Variants in CSMD1 observed in about 807,000 individuals in gnomAD.
CSMD1 encodes CUB and sushi domain-containing protein 1.
Under a neutral mutation model 417.5 loss-of-function variants are expected in CSMD1, and 213 were observed. The ratio of observed to expected loss-of-function variants is 0.51; its 90% confidence interval spans 0.46 to 0.57. CSMD1 has a LOEUF of 0.57. CSMD1 is among the 20% of genes least tolerant of loss of function. The pLI is 0.00. For missense variants in CSMD1, 6,923 were observed against 4,529.7 expected, an observed-to-expected ratio of 1.53 and a Z score of -15.17; for synonymous variants, 2,862 against 1,736.8, an observed-to-expected ratio of 1.65 and a Z score of -16.11.
At chr8:3,965,347 G>A (rs1019934530) in intron 5 of CSMD1, among the ~76,000 whole-genome samples, 1 of 152,106 alleles carries the variant, frequency 6.6e-6, no homozygotes, top group African/African-American at 2.4e-5. Flanking sequence ...GCTTAAATAA[G>A]ACAATGTTTT....
intron 12 of CSMD1, among the ~76,000 whole-genome samples, chr8:3,464,143 C>G (rs1816670508): frequency 6.6e-6 from 1 of 152,100 alleles, no homozygotes; most frequent in Non-Finnish European, 1.5e-5. Flanking sequence ...ATAGCTACGG[C>G]AAATTACATG....
At chr8:4,034,885 A>C (rs1381960390) in intron 3 of CSMD1, among the ~76,000 whole-genome samples, 1 of 152,206 alleles carries the variant, frequency 6.6e-6, no homozygotes, top group Non-Finnish European at 1.5e-5. Context: ...TCTATCAAAT[A>C]AATCTGCTAA....
intron 1 of CSMD1, among the ~76,000 whole-genome samples, chr8:4,903,361 C>T (rs1356034149): frequency 1.3e-5 from 2 of 152,122 alleles, no homozygotes; most frequent in Admixed American, 1.3e-4. Flanking sequence ...AAATATACCC[C>T]TGTGGTTTTA....
intron 1 of CSMD1, among the ~76,000 whole-genome samples, chr8:4,909,605 G>A (rs562817269): frequency 5.9e-5 from 9 of 152,164 alleles, no homozygotes; most frequent in South Asian, 2.1e-4. Flanking sequence ...AATTTTCACC[G>A]TGAGCACTTC....
intron 5 of CSMD1, among the ~76,000 whole-genome samples, chr8:3,762,617 G>A (rs1021431176): frequency 1.3e-5 from 2 of 152,356 alleles, no homozygotes; most frequent in African/African-American, 2.4e-5. Context: ...TTGGCCCTAA[G>A]CCGCTCTTGT....
chr8:3,711,922 G>C (rs1044203697), intron 6 of CSMD1, among the ~76,000 whole-genome samples: 1 of 152,124 alleles, frequency 6.6e-6, no homozygotes, highest in Non-Finnish European at 1.5e-5. Context: ...TGTTTACTCA[G>C]AATCTAAACA....
intron 1 of CSMD1, among the ~76,000 whole-genome samples, chr8:4,845,356 C>G (rs1801081406): frequency 6.6e-6 from 1 of 152,134 alleles, no homozygotes; most frequent in Non-Finnish European, 1.5e-5. Flanking sequence ...GATACATATC[C>G]ACACCAACAC....
chr8:3,764,203 A>C (rs1798150397), intron 5 of CSMD1, among the ~76,000 whole-genome samples: 1 of 152,130 alleles, frequency 6.6e-6, no homozygotes. Flanking sequence ...GCATTAGGTC[A>C]CTAAGTCACA....
chr8:3,992,524 C>A (rs1439356068), intron 5 of CSMD1, among the ~76,000 whole-genome samples: 1 of 152,136 alleles, frequency 6.6e-6, no homozygotes, highest in Non-Finnish European at 1.5e-5. Context: ...GTGGCTCATG[C>A]CTGTAATTCC....
At chr8:3,737,244 C>G (rs994336841) in intron 6 of CSMD1, among the ~76,000 whole-genome samples, 2 of 152,040 alleles carry the variant, frequency 1.3e-5, no homozygotes, top group Admixed American at 1.3e-4. Context: ...TAGAGATAAG[C>G]CGATTGGGAG....
intron 2 of CSMD1, among the ~76,000 whole-genome samples, chr8:4,512,782 A>G (rs902722923): frequency 2.4e-5 from 3 of 126,810 alleles, no homozygotes; most frequent in African/African-American, 7.5e-5. Context: ...AATTAAAAAA[A>G]TAACTAAACA....
chr8:4,925,852 C>G (rs1292933260), intron 1 of CSMD1, among the ~76,000 whole-genome samples: 1 of 152,084 alleles, frequency 6.6e-6, no homozygotes, highest in East Asian at 1.9e-4. Context: ...TGGCCTCTAT[C>G]TGGCATTTTG....
chr8:4,200,110 A>G (rs978698305), intron 3 of CSMD1, among the ~76,000 whole-genome samples: 12 of 152,220 alleles, frequency 7.9e-5, no homozygotes, highest in Admixed American at 2.0e-4. Flanking sequence ...ATTTGAGATT[A>G]TAACAACTGA....
chr8:4,482,509 G>C (rs1405819114), intron 2 of CSMD1, among the ~76,000 whole-genome samples: 3 of 152,150 alleles, frequency 2.0e-5, no homozygotes, highest in Non-Finnish European at 4.4e-5. Context: ...TGGGCATTTA[G>C]GTTGACTCCA....
chr8:3,558,774 G>A (rs1033996378), intron 10 of CSMD1, among the ~76,000 whole-genome samples: 39 of 149,990 alleles, frequency 2.6e-4, no homozygotes, highest in South Asian at 1.1e-3. Flanking sequence ...ATAGTACCCC[G>A]CGTCCACTCC....
intron 4 of CSMD1, among the ~76,000 whole-genome samples, chr8:4,020,519 T>C (rs115711104): frequency 6.6e-5 from 10 of 152,192 alleles, no homozygotes; most frequent in Admixed American, 2.6e-4. Context: ...TACTGCTTTC[T>C]GGATGGGTGA....
chr8:4,120,062 G>C (rs536389338), intron 3 of CSMD1, among the ~76,000 whole-genome samples: 1 of 152,226 alleles, frequency 6.6e-6, no homozygotes, highest in South Asian at 2.1e-4. Context: ...AGTATAATTG[G>C]ATTATTTGTA....
chr8:4,686,657 C>G (rs982208336), intron 1 of CSMD1, among the ~76,000 whole-genome samples: 5 of 152,222 alleles, frequency 3.3e-5, no homozygotes, highest in African/African-American at 1.2e-4. Context: ...ACAAGTTGAC[C>G]TGTTGCTCTG....
intron 3 of CSMD1, among the ~76,000 whole-genome samples, chr8:4,320,177 C>T (rs961507161): frequency 6.6e-6 from 1 of 152,040 alleles, no homozygotes; most frequent in African/African-American, 2.4e-5. Flanking sequence ...GCAAAAATAT[C>T]CAGCACTTAA....
Sources: allele counts gnomAD v4.1 joint callset (sites outside exome capture counted in the v4.1 genomes callset), GRCh38; gene constraint gnomAD v4.1.1; transcripts MANE v1.5; gene names NCBI Gene and HGNC (gene_info 2026-07-23, HGNC 2026-07-21).